TSHZ2: variants seen among roughly 807,000 people sequenced by gnomAD.
TSHZ2 encodes teashirt zinc finger homeobox 2.
TSHZ2 carries 21 observed loss-of-function variants against 74.4 expected under a neutral mutation model. The observed-to-expected ratio is 0.28, with a 90% confidence interval of 0.20 to 0.41. The LOEUF (loss-of-function observed/expected upper bound fraction) is 0.41. Ranked by LOEUF, TSHZ2 falls within the 10% of genes least tolerant of loss-of-function variation. The pLI is 1.00. For missense variants in TSHZ2, 1,244 were observed against 1,293.5 expected, an observed-to-expected ratio of 0.96 and a Z score of 0.59; for synonymous variants, 540 against 515.3, an observed-to-expected ratio of 1.05 and a Z score of -0.65.
chr20:53,207,859 T>A (rs1417743710), intron 1 of TSHZ2, among the ~76,000 whole-genome samples: 1 of 41,676 alleles, frequency 2.4e-5, no homozygotes, highest in Non-Finnish European at 4.3e-5. Context: ...ATTGTTTTAC[T>A]TTTTTTTTTT....
At chr20:52,973,366 T>C in intron 1 of TSHZ2, 33 bp downstream of exon 1, 3 of 1,549,154 alleles carry the variant, frequency 1.9e-6, no homozygotes, top group East Asian at 2.5e-5. Flanking sequence ...GGGGCTGCCC[T>C]GTGCGCCGAG....
chr20:53,175,115 C>G (rs1202702961), intron 1 of TSHZ2, among the ~76,000 whole-genome samples: 3 of 145,514 alleles, frequency 2.1e-5, no homozygotes, highest in Non-Finnish European at 4.5e-5. Flanking sequence ...TCTCCTTCTC[C>G]TCCTTCTTCT....
At chr20:53,186,849 T>C (rs920867431) in intron 1 of TSHZ2, among the ~76,000 whole-genome samples, 3 of 152,036 alleles carry the variant, frequency 2.0e-5, no homozygotes, top group Non-Finnish European at 4.4e-5. Flanking sequence ...AATCTAAACA[T>C]GAAAGCTTGT....
chr20:53,086,039 C>G (rs540827481), intron 1 of TSHZ2, among the ~76,000 whole-genome samples: 26 of 152,210 alleles, frequency 1.7e-4, no homozygotes, highest in Non-Finnish European at 3.4e-4. Context: ...GCACCAATCT[C>G]TTTGCATGGA....
intron 1 of TSHZ2, among the ~76,000 whole-genome samples, chr20:53,161,673 C>T (rs903448565): frequency 6.6e-6 from 1 of 152,154 alleles, no homozygotes. Context: ...GAGAACTCAA[C>T]TCACTATCAT....
At chr20:53,480,045 A>G (rs539036407) in intron 2 of TSHZ2, among the ~76,000 whole-genome samples, 1 of 149,746 alleles carries the variant, frequency 6.7e-6, no homozygotes, top group Non-Finnish European at 1.5e-5. Flanking sequence ...GAAGACCAGC[A>G]TGGACAACAT....
At chr20:53,272,065 G>T (rs532231998) in intron 2 of TSHZ2, among the ~76,000 whole-genome samples, 84 of 152,044 alleles carry the variant, frequency 5.5e-4, no homozygotes, top group African/African-American at 1.9e-3. Flanking sequence ...AGGCTGGAGT[G>T]CAGTGGTGCG....
chr20:53,160,316 T>C (rs1393552762), intron 1 of TSHZ2, among the ~76,000 whole-genome samples: 1 of 152,118 alleles, frequency 6.6e-6, no homozygotes, highest in Non-Finnish European at 1.5e-5. Flanking sequence ...CCTTCATGGG[T>C]TCAGGAGTCC....
intron 1 of TSHZ2, among the ~76,000 whole-genome samples, chr20:53,096,435 G>C (rs1181542349): frequency 6.6e-6 from 1 of 152,152 alleles, no homozygotes; most frequent in African/African-American, 2.4e-5. Flanking sequence ...GAGCCACCAT[G>C]CCCGGCCTGT....
intron 1 of TSHZ2, among the ~76,000 whole-genome samples, chr20:52,996,706 G>A (rs1331791820): frequency 6.6e-6 from 1 of 152,150 alleles, no homozygotes. Flanking sequence ...TTATTCTCTT[G>A]CATAGTGGTG....
chr20:53,249,485 G>A (rs1990276684), intron 1 of TSHZ2, among the ~76,000 whole-genome samples: 1 of 152,140 alleles, frequency 6.6e-6, no homozygotes, highest in African/African-American at 2.4e-5. Context: ...AGTGCTCCAG[G>A]GATTTCAGGC....
chr20:53,095,400 A>G (rs1986007271), intron 1 of TSHZ2, among the ~76,000 whole-genome samples: 1 of 152,224 alleles, frequency 6.6e-6, no homozygotes, highest in Non-Finnish European at 1.5e-5. Context: ...GGATGTGCTG[A>G]TAAGTCACAT....
chr20:53,035,108 A>T (rs1199887083), intron 1 of TSHZ2, among the ~76,000 whole-genome samples: 1 of 152,188 alleles, frequency 6.6e-6, no homozygotes, highest in Non-Finnish European at 1.5e-5. Flanking sequence ...GATGTAGTAG[A>T]GGTGAAGCAG....
chr20:53,462,104 A>G (rs905393659), intron 2 of TSHZ2, among the ~76,000 whole-genome samples: 47 of 152,018 alleles, frequency 3.1e-4, no homozygotes, highest in Non-Finnish European at 1.0e-4. Flanking sequence ...AAGAAAAAAA[A>G]CTAGCAGGGC....
chr20:53,286,058 C>A (rs539453722), intron 2 of TSHZ2, among the ~76,000 whole-genome samples: 2 of 151,950 alleles, frequency 1.3e-5, no homozygotes, highest in Non-Finnish European at 2.9e-5. Context: ...ATATGGAGTG[C>A]AGTTGTTGTA....
At chr20:53,422,481 A>T (rs555506638) in intron 2 of TSHZ2, among the ~76,000 whole-genome samples, 1 of 152,308 alleles carries the variant, frequency 6.6e-6, no homozygotes, top group South Asian at 2.1e-4. Flanking sequence ...ACAGCAATTT[A>T]TACGTTCTCA....
At chr20:53,205,823 G>T (rs6097301) in intron 1 of TSHZ2, among the ~76,000 whole-genome samples, 1 of 152,174 alleles carries the variant, frequency 6.6e-6, no homozygotes, top group Non-Finnish European at 1.5e-5. Flanking sequence ...GTGAGCTTTA[G>T]GTTCAGATAA....
chr20:53,012,666 A>T (rs1982895574), intron 1 of TSHZ2, among the ~76,000 whole-genome samples: 1 of 152,080 alleles, frequency 6.6e-6, no homozygotes, highest in Non-Finnish European at 1.5e-5. Context: ...CCAACCACAC[A>T]CACACACACA....
At chr20:53,247,368 T>C (rs1990232283) in intron 1 of TSHZ2, among the ~76,000 whole-genome samples, 1 of 152,168 alleles carries the variant, frequency 6.6e-6, no homozygotes, top group Non-Finnish European at 1.5e-5. Context: ...CCCACAGCTC[T>C]CTAGACTTCC....
Sources: gnomAD v4.1 joint callset for allele counts (sites outside exome capture counted in the v4.1 genomes callset) on GRCh38, gnomAD v4.1.1 for gene constraint, MANE v1.5 for transcripts, NCBI Gene and HGNC (gene_info 2026-07-23, HGNC 2026-07-21) for gene names.